PMP22: variants seen among roughly 807,000 people sequenced by gnomAD.
PMP22 encodes the protein Charcot-Marie-Tooth neuropathy 1A (greatly reduced nerve conduction velocity, hereditary motor sensory neuropathy Ia).
Under a neutral mutation model 18.9 loss-of-function variants are expected in PMP22, and 2 were observed. That is an observed-to-expected ratio of 0.11 (90% CI 0.04 to 0.33). PMP22 has a LOEUF of 0.33. PMP22 is among the 10% of genes least tolerant of loss of function. PMP22 has a pLI of 1.00. For missense variants in PMP22, 169 were observed against 202.2 expected, an observed-to-expected ratio of 0.84 and a Z score of 1.00; for synonymous variants, 95 against 89.2, an observed-to-expected ratio of 1.07 and a Z score of -0.37.
intron 2 of PMP22, chr17:15,260,336 G>T: frequency 2.4e-6 from 1 of 414,242 alleles, no homozygotes; most frequent in Non-Finnish European, 4.5e-6. Flanking sequence ...CAACGAGGCT[G>T]CATCAAGAAA....
At chr17:15,250,082 A>C (rs144162015) in intron 3 of PMP22, among the ~76,000 whole-genome samples, 3,764 of 152,064 alleles carry the variant, frequency 0.025, 68 homozygotes, top group Admixed American at 0.056. Context: ...CGCCCGGCTA[A>C]TTTTGTTTTG....
chr17:15,230,802 G>T lies in PMP22; in HGVS notation c.*115C>A. The T allele has an allele frequency of 9.4e-7, 1 of 1,058,578 alleles. No individual in the cohort carries two copies. The highest frequency in any genetic ancestry group is 1.4e-6 in the Non-Finnish European group (1 of 708,352). 65.6% of individuals were successfully genotyped at this position (1,058,578 alleles called of 1,614,324 possible). A position where few individuals can be genotyped will look rare whatever the true frequency, so the allele number is the denominator to read the frequency against. On this transcript the variant is annotated 3_prime_UTR_variant, in exon 5 of 5. Coordinates refer to ENST00000312280, the MANE Select transcript of PMP22 (RefSeq NM_000304.4). ...CCCCCACCTCCACTGCTTTCTGTTT[G>T]GTTTGGTTTGAGTTTGGGATTTTGG...
In PMP22 at chr17:15,250,220, G is replaced by T. The variant is rs1328915430; in HGVS notation, c.178+8874C>A. On this transcript the variant is annotated intron_variant, in intron 3 of 4. Transcript: ENST00000312280. ...GGCGTGAGCCACCGCGCCCAGCCGA[G>T]GTAATTTCTTAAGTGACAATATCTC... Among the ~76,000 whole-genome samples, 3 of 152,064 alleles carry T rather than the reference G, an allele frequency of 2.0e-5. No homozygotes were observed. In the South Asian group the frequency reaches 6.2e-4, roughly 31 times the overall value.
intron 3 of PMP22, among the ~76,000 whole-genome samples, chr17:15,255,296 G>T (rs185042409): frequency 1.3e-5 from 2 of 152,156 alleles, no homozygotes; most frequent in Admixed American, 1.3e-4. Flanking sequence ...CCCCAAGGCC[G>T]AATGACTATA....
rs996069204 is a variant in PMP22 at position 15,256,039 on chromosome 17, C to T, written c.178+3055G>A. Among the ~76,000 whole-genome samples, 23 of 152,218 alleles carry T rather than the reference C, an allele frequency of 1.5e-4. 1 individual carries two copies. The highest frequency in any genetic ancestry group is 1.3e-3 in the Admixed American group (20 of 15,284). ...TAACGAATATCCCCACACTAAGCCT[C>T]TCTTACCTCTGCCCACACGAGGCAG... On this transcript the variant is annotated intron_variant, in intron 3 of 4. Coordinates refer to ENST00000312280, the MANE Select transcript of PMP22 (RefSeq NM_000304.4).
Position 15,229,982 on chromosome 17 carries a change from C to T in PMP22, c.*935G>A, listed in dbSNP as rs926074195. ...CCTAGACCCAGCCAAGCTCTAGGAA[C>T]TCACGGTCCCAAGGAGTCTAGACGC... On this transcript the variant is annotated 3_prime_UTR_variant, in exon 5 of 5. Transcript: ENST00000312280. 3.3e-5 allele frequency: 5 copies of T among 152,646 alleles called. No homozygotes were observed. Among genetic ancestry groups the T allele is most frequent in the African/African-American group, 1.2e-4 (5 of 41,462 alleles). The allele number at this position is 152,646 out of a possible 1,614,324, so 9.5% of individuals were successfully genotyped here. A position where few individuals can be genotyped will look rare whatever the true frequency, so the allele number is the denominator to read the frequency against.
At chr17:15,247,918 T>A (rs1907977006) in intron 3 of PMP22, among the ~76,000 whole-genome samples, 1 of 152,110 alleles carries the variant, frequency 6.6e-6, no homozygotes, top group African/African-American at 2.4e-5. Context: ...GCTAGACTGT[T>A]TTCAAAACAC....
intron 1 of PMP22, among the ~76,000 whole-genome samples, chr17:15,262,074 A>G (rs1428189621): frequency 6.6e-6 from 1 of 152,192 alleles, no homozygotes; most frequent in Non-Finnish European, 1.5e-5. Flanking sequence ...GAACTGGGGA[A>G]CCACAGGAGT....
intron 3 of PMP22, among the ~76,000 whole-genome samples, chr17:15,252,728 C>T (rs912042226): frequency 6.6e-6 from 1 of 152,230 alleles, no homozygotes; most frequent in Non-Finnish European, 1.5e-5. Flanking sequence ...AGTTTATCAA[C>T]TACCTTTTCT....
At chr17:15,247,926 C>T (rs1907978090) in intron 3 of PMP22, among the ~76,000 whole-genome samples, 1 of 152,192 alleles carries the variant, frequency 6.6e-6, no homozygotes. Flanking sequence ...GTTTTCAAAA[C>T]ACATGACCCC....
Position 15,239,599 on chromosome 17 carries a change from G to A in PMP22, c.191C>T (p.Ser64Phe), listed in dbSNP as rs1311837830. The change falls in exon 4 of 5, where the codon TCT becomes TTT. Residue 64 changes from serine (S) to phenylalanine (F), a missense_variant. Ser to Phe is a radical substitution (Grantham distance 155). Transcript: ENST00000312280. The stretch of plus-strand genomic sequence containing the variant: ...CGACAGGATCATGGTGGCCTGGACA[G>A]ACTGCAGCCATTCTGGGGGAAAGAG... Reference protein sequence around the residue: ...FSSSPNEWLQSVQATMILSII... With the variant: ...FSSSPNEWLQFVQATMILSII... 2.5e-6 allele frequency: 4 copies of A among 1,613,948 alleles called. No homozygotes were observed. The highest frequency in any genetic ancestry group is 1.7e-5 in the Admixed American group (1 of 60,020).
intron 4 of PMP22, among the ~76,000 whole-genome samples, chr17:15,234,470 T>C (rs991620515): frequency 1.1e-4 from 16 of 152,174 alleles, no homozygotes; most frequent in African/African-American, 3.6e-4. Context: ...GCAGCTATGA[T>C]GTTGGGTTGA....
intron 3 of PMP22, among the ~76,000 whole-genome samples, chr17:15,246,606 C>T (rs1907839641): frequency 6.6e-6 from 1 of 152,318 alleles, no homozygotes; most frequent in South Asian, 2.1e-4. Context: ...TTCCCCACGC[C>T]CCACCCAATT....
At chr17:15,264,107 A>G (rs1193264193) in intron 1 of PMP22, among the ~76,000 whole-genome samples, 19 of 152,228 alleles carry the variant, frequency 1.2e-4, no homozygotes, top group Admixed American at 1.1e-3. Context: ...ATAAGGGCCC[A>G]GTGCCCAAAT....
chr17:15,263,578 C>T (rs918635980), intron 1 of PMP22, among the ~76,000 whole-genome samples: 10 of 106,162 alleles, frequency 9.4e-5, no homozygotes, highest in Admixed American at 2.8e-4. Flanking sequence ...TTCACGCACG[C>T]GCGCGCACAC....
chr17:15,255,289 C>A (rs990871937), intron 3 of PMP22, among the ~76,000 whole-genome samples: 1 of 152,178 alleles, frequency 6.6e-6, no homozygotes, highest in African/African-American at 2.4e-5. Flanking sequence ...ATGCTTCCCC[C>A]AAGGCCGAAT....
chr17:15,234,017 G>A (rs181044332), intron 4 of PMP22, among the ~76,000 whole-genome samples: 14 of 152,310 alleles, frequency 9.2e-5, no homozygotes, highest in East Asian at 1.9e-4. Context: ...CTCTGGCCAT[G>A]GTGCAGAAAA....
intron 3 of PMP22, among the ~76,000 whole-genome samples, chr17:15,246,070 C>A (rs959673515): frequency 3.9e-5 from 6 of 151,986 alleles, no homozygotes; most frequent in Non-Finnish European, 8.8e-5. Flanking sequence ...TTCACACAAG[C>A]CAGGTTATTA....
intron 3 of PMP22, among the ~76,000 whole-genome samples, chr17:15,253,625 C>A (rs893459464): frequency 1.3e-5 from 2 of 151,990 alleles, no homozygotes; most frequent in Non-Finnish European, 2.9e-5. Flanking sequence ...GTGGGGGGTA[C>A]CTTTGAGATG....
Sources: gnomAD v4.1 joint callset for allele counts (sites outside exome capture counted in the v4.1 genomes callset) on GRCh38, gnomAD v4.1.1 for gene constraint, MANE v1.5 for transcripts, NCBI Gene and HGNC (gene_info 2026-07-23, HGNC 2026-07-21) for gene names.